The following DOK6 variants were observed in gnomAD, a reference collection of about 807,000 sequenced individuals.
DOK6 encodes docking protein 6, also known as downstream of tyrosine kinase 6.
DOK6 carries 22 observed loss-of-function variants against 44.0 expected under a neutral mutation model. The ratio of observed to expected loss-of-function variants is 0.50; its 90% confidence interval spans 0.36 to 0.71. The LOEUF is 0.71. Ranked by LOEUF, DOK6 falls within the 30% of genes least tolerant of loss-of-function variation. The pLI, the probability that DOK6 is intolerant of heterozygous loss-of-function variation, is 0.00. For synonymous variants in DOK6, 166 were observed against 145.5 expected (o/e 1.14, Z -1.01); for missense variants, 340 against 416.4 (o/e 0.82, Z 1.60).
chr18:69,522,550 G>C (rs1459123176), intron 1 of DOK6, among the ~76,000 whole-genome samples: 1 of 151,916 alleles, frequency 6.6e-6, no homozygotes, highest in African/African-American at 2.4e-5. Context: ...TTTAGGCTCA[G>C]TATACATGTA....
chr18:69,656,812 G>C (rs1015928813), intron 3 of DOK6, among the ~76,000 whole-genome samples: 3 of 152,160 alleles, frequency 2.0e-5, no homozygotes, highest in African/African-American at 2.4e-5. Context: ...AGAAGAGTGA[G>C]TGTGGGCTCC....
intron 2 of DOK6, among the ~76,000 whole-genome samples, chr18:69,589,999 T>C (rs756987561): frequency 6.6e-6 from 1 of 152,082 alleles, no homozygotes; most frequent in Non-Finnish European, 1.5e-5. Context: ...CTAAAATATC[T>C]AAATATGCCC....
At chr18:69,838,378 G>A (rs1292421853) in intron 7 of DOK6, among the ~76,000 whole-genome samples, 1 of 152,108 alleles carries the variant, frequency 6.6e-6, no homozygotes, top group African/African-American at 2.4e-5. Context: ...ATGGTAAGAT[G>A]AGACAAAATC....
rs80239525 is a variant in DOK6, at chr18:69,489,927, T to TA, written c.67-74545dup. On this transcript the variant is annotated intron_variant, in intron 1 of 7. Coordinates refer to ENST00000382713, the MANE Select transcript of DOK6 (RefSeq NM_152721.6). Reference sequence around the variant, plus strand: ...GAATAGTTTTTGGAGACAAAAATTCTAAAAAAAAAAAAAAACCCTATCTTT... The same window carrying TA: ...GAATAGTTTTTGGAGACAAAAATTCTAAAAAAAAAAAAAAAACCCTATCTTT... Among the ~76,000 whole-genome samples, 668 of 130,864 alleles carry TA rather than the reference T, an allele frequency of 5.1e-3. 1 individual carries two copies. Among genetic ancestry groups the TA allele is most frequent in the Middle Eastern group, 0.019 (5 of 260 alleles). The allele number at this position is 130,864 out of a possible 152,430, so 85.9% of individuals were successfully genotyped here.
chr18:69,717,161 G>C (rs1287129247), intron 5 of DOK6, among the ~76,000 whole-genome samples: 2 of 152,188 alleles, frequency 1.3e-5, no homozygotes, highest in Admixed American at 1.3e-4. Flanking sequence ...CTGCAGCACA[G>C]GTGGAGAGAT....
At chr18:69,822,852 G>T (rs563927009) in intron 7 of DOK6, among the ~76,000 whole-genome samples, 28 of 152,208 alleles carry the variant, frequency 1.8e-4, no homozygotes, top group African/African-American at 6.7e-4. Context: ...TTATAATGAA[G>T]TTATAAAAGT....
intron 1 of DOK6, among the ~76,000 whole-genome samples, chr18:69,510,012 C>T (rs1981321431): frequency 1.3e-5 from 2 of 152,114 alleles, no homozygotes; most frequent in Admixed American, 1.3e-4. Flanking sequence ...TCAATGTTGC[C>T]GCATACAAGA....
chr18:69,741,092 G>A (rs1023436912), intron 6 of DOK6, among the ~76,000 whole-genome samples: 1 of 152,176 alleles, frequency 6.6e-6, no homozygotes, highest in African/African-American at 2.4e-5. Flanking sequence ...AAGCCAGGGT[G>A]TACACCACAG....
At chr18:69,537,097 A>G (rs1370906033) in intron 1 of DOK6, among the ~76,000 whole-genome samples, 3 of 151,792 alleles carry the variant, frequency 2.0e-5, no homozygotes, top group Non-Finnish European at 4.4e-5. Context: ...CAGCCTCCCA[A>G]GGTGCTGGGA....
At chr18:69,669,677 C>T (rs901963303) in intron 3 of DOK6, among the ~76,000 whole-genome samples, 6 of 152,128 alleles carry the variant, frequency 3.9e-5, no homozygotes, top group South Asian at 4.2e-4. Flanking sequence ...CGCACCCCCC[C>T]GCCGACCCTC....
At chr18:69,827,266 T>C (rs901247958) in intron 7 of DOK6, among the ~76,000 whole-genome samples, 1 of 152,100 alleles carries the variant, frequency 6.6e-6, no homozygotes, top group Non-Finnish European at 1.5e-5. Flanking sequence ...CCATTCCCAA[T>C]CTCATCTGCT....
intron 1 of DOK6, among the ~76,000 whole-genome samples, chr18:69,486,875 A>G (rs1258227489): frequency 1.3e-5 from 2 of 152,190 alleles, no homozygotes; most frequent in Non-Finnish European, 2.9e-5. Context: ...AGTGTTTGCT[A>G]TGGAAATACC....
intron 6 of DOK6, among the ~76,000 whole-genome samples, chr18:69,749,551 TAATC>T (rs759869954): frequency 7.2e-5 from 11 of 152,166 alleles, no homozygotes; most frequent in African/African-American, 1.2e-4. Context: ...CGATTGATAT[TAATC>T]AATCAAAGCT....
At chr18:69,631,509 G>T (rs1047858323) in intron 3 of DOK6, among the ~76,000 whole-genome samples, 1 of 152,182 alleles carries the variant, frequency 6.6e-6, no homozygotes, top group African/African-American at 2.4e-5. Flanking sequence ...AGTTTGGTCA[G>T]CTGAGTCATG....
At chr18:69,837,562 G>A (rs67066405) in intron 7 of DOK6, among the ~76,000 whole-genome samples, 22,132 of 113,822 alleles carry the variant, frequency 0.19, 1,693 homozygotes, top group East Asian at 0.31. Flanking sequence ...GAAAGCGCAG[G>A]TGTTCAGCAA....
intron 6 of DOK6, among the ~76,000 whole-genome samples, chr18:69,751,863 A>C (rs1278544790): frequency 6.6e-6 from 1 of 152,096 alleles, no homozygotes; most frequent in Non-Finnish European, 1.5e-5. Context: ...AAAAGTGCAC[A>C]AAAAATCATT....
intron 1 of DOK6, among the ~76,000 whole-genome samples, chr18:69,510,404 G>A (rs536291118): frequency 1.1e-4 from 16 of 152,196 alleles, no homozygotes; most frequent in Middle Eastern, 3.4e-3. Flanking sequence ...TGTAAATATG[G>A]ACTACTGATT....
intron 7 of DOK6, among the ~76,000 whole-genome samples, chr18:69,796,880 T>G (rs1023231004): frequency 6.6e-6 from 1 of 152,194 alleles, no homozygotes; most frequent in Non-Finnish European, 1.5e-5. Context: ...GCTGATGTCT[T>G]GAAAAGAGGG....
At chr18:69,677,554 CAA>C (rs965997364) in intron 3 of DOK6, among the ~76,000 whole-genome samples, 178 bp from the exon 4 acceptor site, 3 of 152,050 alleles carry the variant, frequency 2.0e-5, no homozygotes, top group African/African-American at 4.8e-5. Context: ...AATATAATGT[CAA>C]AGAGTAGGAA....
Sources: allele counts gnomAD v4.1 joint callset (sites outside exome capture counted in the v4.1 genomes callset), GRCh38; gene constraint gnomAD v4.1.1; transcripts MANE v1.5; gene names NCBI Gene and HGNC (gene_info 2026-07-23, HGNC 2026-07-21).